Variants in C16orf87 observed in about 807,000 individuals in gnomAD.
The protein encoded by C16orf87 is HDAC and MIER1 interacting protein 1, also known as UPF0547 protein C16orf87.
A neutral mutation model predicts 21.0 loss-of-function variants in C16orf87; 13 were observed. That is an observed-to-expected ratio of 0.62 (90% CI 0.40 to 0.98). The LOEUF (loss-of-function observed/expected upper bound fraction) is 0.98, where lower values mean the gene tolerates loss of function less well. Ranked by LOEUF, C16orf87 falls within the 50% of genes least tolerant of loss-of-function variation. The probability of loss-of-function intolerance (pLI) is 0.00; values close to 1 mark genes in which losing one functional copy is unlikely to be tolerated. For synonymous variants in C16orf87, 49 were observed against 60.2 expected, an observed-to-expected ratio of 0.81 and a Z score of 0.86; for missense variants, 113 against 180.4, an observed-to-expected ratio of 0.63 and a Z score of 2.14.
At position 46,799,435 on chromosome 16, in the gene C16orf87, TAAC is replaced by T. The variant is rs879437277; in HGVS notation, c.*3514_*3516del. ...TAATTAACTTAAATAAGAGATTTGT[TAAC>T]AACAATATGCCTTAAAGGCTAGAAA... On this transcript the variant is annotated 3_prime_UTR_variant, in exon 4 of 4. Coordinates refer to ENST00000285697, the MANE Select transcript of C16orf87 (RefSeq NM_001001436.4). 12 of 152,244 alleles carry T rather than the reference TAAC, an allele frequency of 7.9e-5. No homozygotes were observed. The highest frequency in any genetic ancestry group is 1.3e-4 in the Admixed American group (2 of 15,288). The allele number at this position is 152,244 out of a possible 1,614,324, so 9.4% of individuals were successfully genotyped here.
At chr16:46,827,476 T>G (rs899402452) in intron 1 of C16orf87, among the ~76,000 whole-genome samples, 1 of 152,220 alleles carries the variant, frequency 6.6e-6, no homozygotes, top group Non-Finnish European at 1.5e-5. Flanking sequence ...AAAGAAAATA[T>G]TCAAAGTATT....
intron 3 of C16orf87, among the ~76,000 whole-genome samples, chr16:46,805,106 T>C (rs1466735163): frequency 1.3e-5 from 2 of 152,204 alleles, no homozygotes; most frequent in African/African-American, 4.8e-5. Flanking sequence ...TGGGAATTTG[T>C]AGGCCCTTTT....
At chr16:46,822,223 T>G (rs774846567) in intron 2 of C16orf87, among the ~76,000 whole-genome samples, 6 of 152,282 alleles carry the variant, frequency 3.9e-5, no homozygotes, top group South Asian at 2.1e-4. Context: ...GCCCTGTTCC[T>G]TCTTTTATCT....
At chr16:46,803,685 A>G (rs1368689299) in intron 3 of C16orf87, among the ~76,000 whole-genome samples, 1 of 151,856 alleles carries the variant, frequency 6.6e-6, no homozygotes, top group African/African-American at 2.4e-5. Flanking sequence ...AGTTAAATGC[A>G]TATAATTTAC....
intron 2 of C16orf87, among the ~76,000 whole-genome samples, chr16:46,812,223 G>A (rs1423570891): frequency 6.6e-6 from 1 of 152,104 alleles, no homozygotes; most frequent in Non-Finnish European, 1.5e-5. Flanking sequence ...CAGCCTGGGT[G>A]ACAGAGCGAG....
intron 2 of C16orf87, among the ~76,000 whole-genome samples, chr16:46,816,466 C>T (rs1249923480): frequency 1.3e-5 from 2 of 151,948 alleles, no homozygotes; most frequent in African/African-American, 2.4e-5. Flanking sequence ...CCTGCTAAAG[C>T]GTAGGTGCTA....
chr16:46,824,504 A>AG, intron 1 of C16orf87, 22 bp from the exon 2 acceptor site: 1 of 1,036,026 alleles, frequency 9.7e-7, no homozygotes, highest in Non-Finnish European at 1.4e-6. Context: ...AAAGAAAAAT[A>AG]TATATTATTA....
chr16:46,802,955 G>A lies in C16orf87; in HGVS notation c.462C>T (p.Leu154=). The part of the protein sequence containing the change: ...NRKIINQRLI[L] Reference sequence around the variant, plus strand: ...CAGCAGATTTTGCAAACAAGTATCAGAGAATAAGTCTTTGATTGATAATTT... The same window carrying A: ...CAGCAGATTTTGCAAACAAGTATCAAAGAATAAGTCTTTGATTGATAATTT... The change falls in exon 4 of 4, where the codon CTC becomes CTT. Residue 154 remains leucine (L), a synonymous_variant. Coordinates refer to ENST00000285697, the MANE Select transcript of C16orf87 (RefSeq NM_001001436.4). The A allele has an allele frequency of 2.7e-6, 4 of 1,476,450 alleles. No homozygotes were observed. Among genetic ancestry groups the A allele is most frequent in the Non-Finnish European group, 3.8e-6 (4 of 1,060,852 alleles). The allele number at this position is 1,476,450 out of a possible 1,614,324, so 91.5% of individuals were successfully genotyped here.
At chr16:46,804,647 C>G (rs1009539305) in intron 3 of C16orf87, among the ~76,000 whole-genome samples, 1 of 152,146 alleles carries the variant, frequency 6.6e-6, no homozygotes, top group African/African-American at 2.4e-5. Context: ...ATACACAGAT[C>G]TTTTATGTGT....
chr16:46,811,454 G>T (rs1370113785), intron 2 of C16orf87, among the ~76,000 whole-genome samples: 1 of 148,384 alleles, frequency 6.7e-6, no homozygotes, highest in East Asian at 2.0e-4. Context: ...GGTGAGCTGA[G>T]ATAGCACCAT....
At chr16:46,817,889 A>C (rs902496413) in intron 2 of C16orf87, among the ~76,000 whole-genome samples, 3 of 143,328 alleles carry the variant, frequency 2.1e-5, no homozygotes, top group African/African-American at 7.7e-5. Flanking sequence ...CTCAGAGGTA[A>C]AGGTATGCAT....
At chr16:46,804,208 G>C (rs777730836) in intron 3 of C16orf87, among the ~76,000 whole-genome samples, 3 of 152,090 alleles carry the variant, frequency 2.0e-5, no homozygotes, top group Non-Finnish European at 2.9e-5. Flanking sequence ...TGAAGAAATC[G>C]CTCCAAGTCT....
At chr16:46,804,734 G>C (rs1967874906) in intron 3 of C16orf87, among the ~76,000 whole-genome samples, 1 of 152,142 alleles carries the variant, frequency 6.6e-6, no homozygotes, top group Non-Finnish European at 1.5e-5. Context: ...ATTTCCTCCA[G>C]AAATTCCTCA....
intron 2 of C16orf87, among the ~76,000 whole-genome samples, chr16:46,813,785 T>C (rs927036262): frequency 3.3e-5 from 5 of 152,210 alleles, no homozygotes; most frequent in African/African-American, 1.2e-4. Flanking sequence ...CAGATATCCA[T>C]ATACAGGTCA....
chr16:46,818,025 C>A (rs972915445), intron 2 of C16orf87, among the ~76,000 whole-genome samples: 1 of 150,334 alleles, frequency 6.7e-6, no homozygotes, highest in Admixed American at 6.6e-5. Context: ...GAAGATGCTT[C>A]CTTTTCTTTT....
intron 1 of C16orf87, 78 bp downstream of exon 1, chr16:46,831,006 C>A (rs989389582): frequency 2.5e-6 from 3 of 1,198,732 alleles, no homozygotes; most frequent in African/African-American, 3.1e-5. Context: ...CCTCCGGGAG[C>A]CCGGCGAGGC....
rs1967738146 is a variant in C16orf87, at chr16:46,800,450, G to T, written c.*2502C>A. The T allele has an allele frequency of 6.6e-6, 1 of 152,096 alleles. No individual in the cohort carries two copies. The highest frequency in any genetic ancestry group is 1.9e-4 in the East Asian group (1 of 5,200). The allele number at this position is 152,096 out of a possible 1,614,324, so 9.4% of individuals were successfully genotyped here. A position where few individuals can be genotyped will look rare whatever the true frequency, so the allele number is the denominator to read the frequency against. On this transcript the variant is annotated 3_prime_UTR_variant, in exon 4 of 4. Transcript: ENST00000285697. ...AAAATCAAACTACAAGTATTAAAGT[G>T]CCCACAAAAACATTTTGGAATACCA... is the stretch of plus-strand genomic sequence containing the variant.
intron 2 of C16orf87, among the ~76,000 whole-genome samples, chr16:46,815,264 T>C (rs1047257151): frequency 2.0e-5 from 3 of 151,552 alleles, no homozygotes; most frequent in African/African-American, 7.3e-5. Flanking sequence ...TATCTAAATA[T>C]AACCACTAAA....
intron 3 of C16orf87, 61 bp downstream of exon 3, chr16:46,809,542 C>T (rs1445761298): frequency 1.7e-6 from 2 of 1,153,178 alleles, no homozygotes; most frequent in Non-Finnish European, 2.5e-6. Flanking sequence ...TTCACTACTA[C>T]CTAATTAAGA....
Sources: gnomAD v4.1 joint callset for allele counts (sites outside exome capture counted in the v4.1 genomes callset) on GRCh38, gnomAD v4.1.1 for gene constraint, MANE v1.5 for transcripts, NCBI Gene and HGNC (gene_info 2026-07-23, HGNC 2026-07-21) for gene names.